PLSCR2: variants seen among roughly 807,000 people sequenced by gnomAD.
PLSCR2 encodes PL scramblase 2.
A neutral mutation model predicts 25.3 loss-of-function variants in PLSCR2; 18 were observed. The ratio of observed to expected loss-of-function variants is 0.71; its 90% CI spans 0.49 to 1.06. PLSCR2 has a LOEUF of 1.06. Ranked by LOEUF, PLSCR2 falls within the 50% of genes least tolerant of loss-of-function variation. PLSCR2 has a pLI of 0.00. For synonymous variants in PLSCR2, 88 were observed against 87.3 expected (o/e 1.01, Z -0.04); for missense variants, 243 against 269.5 (o/e 0.90, Z 0.69).
chr3:146,456,800 GAA>G (rs1048853053), intron 3 of PLSCR2, among the ~76,000 whole-genome samples: 23 of 151,980 alleles, frequency 1.5e-4, no homozygotes, highest in African/African-American at 5.3e-4. Flanking sequence ...GAGAAAAAAA[GAA>G]AAGAAAATTA....
At chr3:146,442,314 G>A (rs2040292794) in intron 6 of PLSCR2, among the ~76,000 whole-genome samples, 1 of 151,914 alleles carries the variant, frequency 6.6e-6, no homozygotes, top group Non-Finnish European at 1.5e-5. Context: ...ACTGAAAAAG[G>A]CACAAATAAA....
chr3:146,429,907 G>T (rs900480657), downstream of PLSCR2, among the ~76,000 whole-genome samples: 2 of 152,148 alleles, frequency 1.3e-5, no homozygotes, highest in African/African-American at 4.8e-5. Flanking sequence ...TTACAGTCAA[G>T]GATGTTTGAC....
intron 1 of PLSCR2, chr3:146,495,861 C>G: frequency 1.3e-6 from 2 of 1,507,814 alleles, no homozygotes; most frequent in Non-Finnish European, 8.9e-7. Context: ...ATTTGAAGCA[C>G]GTTAGTCTCT....
At chr3:146,480,415 G>A (rs983602920) in intron 1 of PLSCR2, among the ~76,000 whole-genome samples, 2 of 152,024 alleles carry the variant, frequency 1.3e-5, no homozygotes, top group Non-Finnish European at 2.9e-5. Context: ...TATCACCACC[G>A]ACCCCACAGA....
Position 146,453,135 on chromosome 3 carries a change from T to C in PLSCR2, c.483+867A>G, listed in dbSNP as rs137885057. ...ATTCTAATAGAGAAATTAAAAATCATATTATTAGAGAAGGAAGGATGCAAC... is the reference window on the plus strand; with the variant it reads ...ATTCTAATAGAGAAATTAAAAATCACATTATTAGAGAAGGAAGGATGCAAC... On this transcript the variant is annotated intron_variant, in intron 5 of 6. Transcript: ENST00000610787. 1.1e-4 allele frequency among the ~76,000 whole-genome samples: 16 copies of C among 152,162 alleles called. No individual in the cohort carries two copies. In the East Asian group the frequency reaches 3.1e-3, roughly 29 times the overall value.
At chr3:146,456,882 A>T (rs2041251688) in intron 3 of PLSCR2, among the ~76,000 whole-genome samples, 1 of 152,160 alleles carries the variant, frequency 6.6e-6, no homozygotes, top group Admixed American at 6.5e-5. Flanking sequence ...AAGCACATAT[A>T]TTGTGCAAAT....
chr3:146,437,798 T>C (rs1250345601), downstream of PLSCR2, among the ~76,000 whole-genome samples: 1 of 152,204 alleles, frequency 6.6e-6, no homozygotes, highest in Non-Finnish European at 1.5e-5. Context: ...ATCTTAGTTA[T>C]TTCTTGCCTT....
At chr3:146,430,444 G>T (rs970827462), downstream of PLSCR2, among the ~76,000 whole-genome samples, 3 of 152,144 alleles carry the variant, frequency 2.0e-5, no homozygotes, top group African/African-American at 4.8e-5. Context: ...GACTTGGAGA[G>T]AACTTCTGTG....
chr3:146,469,619 G>C (rs1560040455), intron 1 of PLSCR2, 58 bp from the exon 1 acceptor site: 1 of 969,192 alleles, frequency 1.0e-6, no homozygotes, highest in Non-Finnish European at 1.2e-6. Context: ...GGCGGAAAAG[G>C]GGCCTGGACC....
At chr3:146,480,825 A>T (rs2043104628) in intron 1 of PLSCR2, among the ~76,000 whole-genome samples, 1 of 152,018 alleles carries the variant, frequency 6.6e-6, no homozygotes, top group African/African-American at 2.4e-5. Flanking sequence ...ATTGATGTGA[A>T]AATCCTCAAT....
chr3:146,406,054 C>A (rs1199382123), intron 2 of PLSCR2, among the ~76,000 whole-genome samples: 2 of 151,924 alleles, frequency 1.3e-5, no homozygotes, highest in Non-Finnish European at 2.9e-5. Flanking sequence ...ATCTTAATCT[C>A]TATGATATGC....
In PLSCR2 at chr3:146,403,690, T is replaced by G. The variant is rs551551999; in HGVS notation, c.101-7769A>C. 4.6e-5 allele frequency among the ~76,000 whole-genome samples: 7 copies of G among 152,322 alleles called. No individual in the cohort carries two copies. In the East Asian group the frequency reaches 9.6e-4, roughly 21 times the overall value. ...TATTTAAGTATTGTCTTAGTTTTTT[T>G]TGTGTCACTATAGCAGAATATCACA... is the stretch of plus-strand genomic sequence containing the variant. On this transcript the variant is annotated intron_variant and NMD_transcript_variant, in intron 2 of 3. Transcript: ENST00000463633.
At chr3:146,445,114 C>G (rs923438683) in intron 6 of PLSCR2, among the ~76,000 whole-genome samples, 5 of 152,084 alleles carry the variant, frequency 3.3e-5, no homozygotes, top group African/African-American at 1.2e-4. Context: ...TGTTATTATA[C>G]TATGTCTTTA....
intron 6 of PLSCR2, among the ~76,000 whole-genome samples, chr3:146,447,470 GC>G (rs2040620243): frequency 6.6e-6 from 1 of 152,202 alleles, no homozygotes; most frequent in African/African-American, 2.4e-5. Flanking sequence ...CTTCTGGCCA[GC>G]AGTGTCTTTA....
At chr3:146,484,608 A>G (rs551311664) in intron 1 of PLSCR2, among the ~76,000 whole-genome samples, 1 of 152,282 alleles carries the variant, frequency 6.6e-6, no homozygotes, top group Non-Finnish European at 1.5e-5. Context: ...GAAACCCTAT[A>G]AGCCAGAAGA....
At chr3:146,409,654 G>A (rs2038780438) in intron 2 of PLSCR2, among the ~76,000 whole-genome samples, 2 of 152,094 alleles carry the variant, frequency 1.3e-5, no homozygotes, top group East Asian at 1.9e-4. Flanking sequence ...TCTGGAGCTT[G>A]CCTTTTTTAA....
At chr3:146,391,927 C>A (rs2038095192) in intron 3 of PLSCR2, among the ~76,000 whole-genome samples, 1 of 152,028 alleles carries the variant, frequency 6.6e-6, no homozygotes, top group Non-Finnish European at 1.5e-5. Flanking sequence ...CCAAAATCTA[C>A]CATAAGTATT....
intron 1 of PLSCR2, among the ~76,000 whole-genome samples, chr3:146,489,351 T>C (rs1409260116): frequency 6.6e-6 from 1 of 152,048 alleles, no homozygotes; most frequent in Admixed American, 6.6e-5. Context: ...AAAACAGCTA[T>C]GTGGGGAAAC....
downstream of PLSCR2, among the ~76,000 whole-genome samples, chr3:146,437,914 G>A (rs1306348568): frequency 6.6e-6 from 1 of 152,112 alleles, no homozygotes; most frequent in Non-Finnish European, 1.5e-5. Context: ...GGCATTTAGT[G>A]CTATAAATTT....
Sources: allele counts gnomAD v4.1 joint callset (sites outside exome capture counted in the v4.1 genomes callset), GRCh38; gene constraint gnomAD v4.1.1; transcripts MANE v1.5; gene names NCBI Gene and HGNC (gene_info 2026-07-23, HGNC 2026-07-21).